Variants in SAMD3 observed in about 807,000 individuals in gnomAD.
The protein encoded by SAMD3 is sterile alpha motif domain-containing protein 3.
A neutral mutation model predicts 58.5 loss-of-function variants in SAMD3; 63 were observed. The observed-to-expected ratio is 1.08, with a 90% CI of 0.88 to 1.33. The LOEUF is 1.33. Ranked by LOEUF, SAMD3 falls within the 40% of genes most tolerant of loss-of-function variation. The pLI is 0.00. For missense variants in SAMD3, 604 were observed against 608.4 expected (o/e 0.99, Z 0.08); for synonymous variants, 220 against 210.3 (o/e 1.05, Z -0.40).
chr6:130,327,112 TAG>T, intron 1 of SAMD3, among the ~76,000 whole-genome samples: 1 of 152,202 alleles, frequency 6.6e-6, no homozygotes, highest in East Asian at 1.9e-4. Context: ...CTTCCTTTCC[TAG>T]ACTGTATTCT....
intron 2 of SAMD3, among the ~76,000 whole-genome samples, chr6:130,265,706 A>C (rs912046892): frequency 1.3e-5 from 2 of 152,174 alleles, no homozygotes; most frequent in African/African-American, 4.8e-5. Context: ...TTTTTAAAAT[A>C]AGATTAAGAA....
chr6:130,259,365 G>T (rs569205455), intron 2 of SAMD3, among the ~76,000 whole-genome samples: 1 of 152,314 alleles, frequency 6.6e-6, no homozygotes, highest in South Asian at 2.1e-4. Flanking sequence ...ATCACATGGT[G>T]AGAGAGAAAG....
intron 8 of SAMD3, among the ~76,000 whole-genome samples, chr6:130,156,128 C>A (rs1789757385): frequency 6.6e-6 from 1 of 152,008 alleles, no homozygotes; most frequent in Non-Finnish European, 1.5e-5. Context: ...CACCTAAAGC[C>A]AGGAGTTCAA....
intron 1 of SAMD3, among the ~76,000 whole-genome samples, chr6:130,316,728 A>C (rs1036046063): frequency 2.6e-5 from 4 of 152,192 alleles, no homozygotes; most frequent in African/African-American, 9.7e-5. Flanking sequence ...GCCTTAGCAT[A>C]CATTATACAC....
intron 5 of SAMD3, among the ~76,000 whole-genome samples, chr6:130,190,636 A>T (rs1793453755): frequency 6.6e-6 from 1 of 152,184 alleles, no homozygotes; most frequent in African/African-American, 2.4e-5. Flanking sequence ...GATCAACAGA[A>T]ATGATCCAAT....
intron 2 of SAMD3, among the ~76,000 whole-genome samples, chr6:130,268,568 T>C (rs1390513690): frequency 6.6e-6 from 1 of 152,192 alleles, no homozygotes; most frequent in African/African-American, 2.4e-5. Flanking sequence ...AAGTGTCCTA[T>C]ATAGATGCAC....
rs774036634 is a variant in SAMD3, at chr6:130,294,909, A to ATTTTTTTTTTTTTTT, written c.-188+18054_-188+18068dup. Reference sequence around the variant, plus strand: ...TCTAATTTTTCCATACATTTCTCTGATTTTTTTTTTTTTTTTTTTTTTTTT... The same window carrying ATTTTTTTTTTTTTTT: ...TCTAATTTTTCCATACATTTCTCTGATTTTTTTTTTTTTTTTTTTTTTTTTTTTTTTTTTTTTTTT... On this transcript the variant is annotated intron_variant, in intron 2 of 13. Coordinates refer to the SAMD3 transcript ENST00000368134. Among the ~76,000 whole-genome samples, 10 of 56,144 alleles carry ATTTTTTTTTTTTTTT rather than the reference A, an allele frequency of 1.8e-4. 2 individuals are homozygous for ATTTTTTTTTTTTTTT. Among genetic ancestry groups the ATTTTTTTTTTTTTTT allele is most frequent in the Non-Finnish European group, 3.0e-4 (9 of 30,224 alleles). The allele number at this position is 56,144 out of a possible 152,430, so 36.8% of individuals were successfully genotyped here.
At chr6:130,300,286 T>A (rs1775701883) in intron 2 of SAMD3, among the ~76,000 whole-genome samples, 1 of 152,176 alleles carries the variant, frequency 6.6e-6, no homozygotes, top group Non-Finnish European at 1.5e-5. Flanking sequence ...ATTCCTGGGA[T>A]GCAAGGATGT....
At chr6:130,164,847 GAGA>G (rs1790584677) in intron 8 of SAMD3, among the ~76,000 whole-genome samples, 1 of 152,150 alleles carries the variant, frequency 6.6e-6, no homozygotes, top group Non-Finnish European at 1.5e-5. Flanking sequence ...CAAGAGGGTA[GAGA>G]AGGACAATCC....
intron 5 of SAMD3, among the ~76,000 whole-genome samples, chr6:130,193,711 G>A (rs1465562439): frequency 6.6e-6 from 1 of 152,128 alleles, no homozygotes; most frequent in Non-Finnish European, 1.5e-5. Context: ...AATGCCGCTT[G>A]ACCCCAATAC....
rs567374829 is a variant in SAMD3 at position 130,171,714 on chromosome 6, T to G, written c.822+4127A>C. Among the ~76,000 whole-genome samples, 19 of 152,364 alleles carry G rather than the reference T, an allele frequency of 1.2e-4. No individual in the cohort carries two copies. The South Asian group carries it at 1.4e-3, about 12-fold the overall frequency. On this transcript the variant is annotated intron_variant, in intron 8 of 11. Transcript: ENST00000439090. ...TTTGAGGTGGAGAGTTCTGCAGATA[T>G]CTATTAGGTCCACTTGGTTCAGAGC...
upstream of SAMD3, among the ~76,000 whole-genome samples, chr6:130,227,931 A>G (rs1191327203): frequency 6.6e-6 from 1 of 152,142 alleles, no homozygotes; most frequent in East Asian, 1.9e-4. Flanking sequence ...AAACGAGAGA[A>G]TTTCAGAAAA....
At chr6:130,214,254 G>A in intron 4 of SAMD3, 83 bp downstream of exon 4, 1 of 1,143,132 alleles carries the variant, frequency 8.7e-7, no homozygotes, top group Non-Finnish European at 1.2e-6. Flanking sequence ...GTTTTCCAAG[G>A]GCTTTAAACC....
chr6:130,234,079 C>A (rs1338786354), intron 2 of SAMD3, among the ~76,000 whole-genome samples: 2 of 152,160 alleles, frequency 1.3e-5, no homozygotes, highest in Admixed American at 1.3e-4. Context: ...TTTTTCATTG[C>A]TATTAGCAAC....
At chr6:130,262,561 T>C (rs1436712219) in intron 2 of SAMD3, among the ~76,000 whole-genome samples, 2 of 150,230 alleles carry the variant, frequency 1.3e-5, no homozygotes, top group African/African-American at 4.9e-5. Context: ...GACAGGATGA[T>C]GGATGGTTCC....
At chr6:130,264,250 C>T (rs1253454810) in intron 2 of SAMD3, among the ~76,000 whole-genome samples, 16 of 152,270 alleles carry the variant, frequency 1.1e-4, no homozygotes, top group Admixed American at 2.6e-4. Flanking sequence ...TGTTCTATCC[C>T]GAAGTCTGGC....
rs773946822 is a variant in SAMD3, at chr6:130,144,502, A to T, written c.*18T>A. On this transcript the variant is annotated 3_prime_UTR_variant, in exon 12 of 12. Coordinates refer to ENST00000439090, the MANE Select transcript of SAMD3 (RefSeq NM_001017373.4). ...AGTTTTCCCAGAGGTAAATTCCAGTACAATATTTGGCATGCTATTAAGTGA... is the reference window on the plus strand; with the variant it reads ...AGTTTTCCCAGAGGTAAATTCCAGTTCAATATTTGGCATGCTATTAAGTGA... 1 of 1,607,560 alleles carries T rather than the reference A, an allele frequency of 6.2e-7. No individual in the cohort carries two copies. The highest frequency in any genetic ancestry group is 1.1e-5 in the South Asian group (1 of 89,908).
At chr6:130,314,565 C>T (rs948231616) in intron 1 of SAMD3, among the ~76,000 whole-genome samples, 2 of 152,146 alleles carry the variant, frequency 1.3e-5, no homozygotes, top group African/African-American at 4.8e-5. Context: ...TGCATAATTC[C>T]TCTTATTGAT....
intron 2 of SAMD3, among the ~76,000 whole-genome samples, chr6:130,311,004 G>A (rs1367662096): frequency 6.6e-6 from 1 of 152,096 alleles, no homozygotes; most frequent in Non-Finnish European, 1.5e-5. Context: ...GGGCACTGGC[G>A]AGGTGTACCT....
Sources: gnomAD v4.1 joint callset for allele counts (sites outside exome capture counted in the v4.1 genomes callset) on GRCh38, gnomAD v4.1.1 for gene constraint, MANE v1.5 for transcripts, NCBI Gene and HGNC (gene_info 2026-07-23, HGNC 2026-07-21) for gene names.